The following ADGRE3 variants were observed in gnomAD, a reference collection of about 807,000 sequenced individuals.
ADGRE3 encodes the protein adhesion G protein-coupled receptor E3.
Under a neutral mutation model 80.1 loss-of-function variants are expected in ADGRE3, and 88 were observed. The ratio of observed to expected loss-of-function variants is 1.10; its 90% CI spans 0.93 to 1.31. ADGRE3 has a LOEUF of 1.31. ADGRE3 is among the 40% of genes most tolerant of loss of function. The pLI is 0.00. For synonymous variants in ADGRE3, 281 were observed against 294.8 expected, an observed-to-expected ratio of 0.95 and a Z score of 0.48; for missense variants, 715 against 776.5, an observed-to-expected ratio of 0.92 and a Z score of 0.94.
Position 14,619,389 on chromosome 19 carries a change from G to C in ADGRE3, c.*44C>G, listed in dbSNP as rs1179310324. 1 of 1,318,974 alleles carries C rather than the reference G, an allele frequency of 7.6e-7. No homozygotes were observed. The highest frequency in any genetic ancestry group is 1.4e-5 in the African/African-American group (1 of 68,990). The allele number at this position is 1,318,974 out of a possible 1,614,324, so 81.7% of individuals were successfully genotyped here. A position where few individuals can be genotyped will look rare whatever the true frequency, so the allele number is the denominator to read the frequency against. On this transcript the variant is annotated 3_prime_UTR_variant, in exon 16 of 16. Coordinates refer to ENST00000253673, the MANE Select transcript of ADGRE3 (RefSeq NM_032571.5). The stretch of plus-strand genomic sequence containing the variant: ...GCTTCATTCTTCATAATGCCAAAGA[G>C]ATCCATGGATATGATTTTCCATATG...
intron 9 of ADGRE3, among the ~76,000 whole-genome samples, chr19:14,642,379 G>C (rs1023320648): frequency 2.0e-5 from 3 of 152,114 alleles, no homozygotes; most frequent in African/African-American, 7.2e-5. Context: ...TATGCAGAGG[G>C]CTTGTGCTAT....
chr19:14,643,920 A>C (rs1239683760), intron 9 of ADGRE3, among the ~76,000 whole-genome samples, 188 bp downstream of exon 9: 1 of 151,958 alleles, frequency 6.6e-6, no homozygotes, highest in Non-Finnish European at 1.5e-5. Flanking sequence ...CATGTTGGCC[A>C]GGCTGGTTTC....
intron 11 of ADGRE3, among the ~76,000 whole-genome samples, chr19:14,637,485 C>T (rs1031496330): frequency 6.6e-6 from 1 of 151,310 alleles, no homozygotes; most frequent in African/African-American, 2.4e-5. Context: ...CCTTGAACTC[C>T]TGGGCTCAAG....
At chr19:14,620,440 A>C (rs1970516813) in intron 15 of ADGRE3, among the ~76,000 whole-genome samples, 2 of 144,130 alleles carry the variant, frequency 1.4e-5, no homozygotes, top group Non-Finnish European at 3.0e-5. Flanking sequence ...ATATATATGT[A>C]TATTCATGTA....
At chr19:14,659,243 A>T (rs1161951664) in intron 4 of ADGRE3, among the ~76,000 whole-genome samples, 1 of 151,422 alleles carries the variant, frequency 6.6e-6, no homozygotes, top group Admixed American at 6.6e-5. Context: ...GGGTTTCGCC[A>T]TGTTGGCCAG....
chr19:14,605,736 CT>C, the ADGRE3 span, among the ~76,000 whole-genome samples: 1 of 151,812 alleles, frequency 6.6e-6, no homozygotes, highest in Non-Finnish European at 1.5e-5. Context: ...TTCCAAAGAC[CT>C]GGGATTTTGA....
At chr19:14,612,330 T>G in the ADGRE3 span, among the ~76,000 whole-genome samples, 1 of 152,056 alleles carries the variant, frequency 6.6e-6, no homozygotes, top group Non-Finnish European at 1.5e-5. Flanking sequence ...GGTCCTAATC[T>G]CCTCCTCCTC....
At chr19:14,643,795 C>G (rs921575778) in intron 9 of ADGRE3, among the ~76,000 whole-genome samples, 1 of 151,966 alleles carries the variant, frequency 6.6e-6, no homozygotes, top group African/African-American at 2.4e-5. Context: ...CCTGAAACCT[C>G]TGCCTCCCAG....
chr19:14,640,508 C>T (rs1971218865), intron 10 of ADGRE3, among the ~76,000 whole-genome samples: 1 of 151,926 alleles, frequency 6.6e-6, no homozygotes, highest in South Asian at 2.1e-4. Context: ...CCAGGCTGGC[C>T]TTGAACTCCT....
intron 4 of ADGRE3, among the ~76,000 whole-genome samples, chr19:14,660,590 C>T (rs1456238738): frequency 1.3e-5 from 2 of 151,042 alleles, no homozygotes; most frequent in Non-Finnish European, 2.9e-5. Context: ...TGCCACTGTA[C>T]TCCAGCCTGG....
At chr19:14,606,862 C>A in the ADGRE3 span, 1 of 361,298 alleles carries the variant, frequency 2.8e-6, no homozygotes, top group Non-Finnish European at 5.0e-6. Context: ...TTCTGCATAC[C>A]ATGGGGACGG....
chr19:14,641,186 T>G (rs1351811507), intron 10 of ADGRE3, among the ~76,000 whole-genome samples: 1 of 152,210 alleles, frequency 6.6e-6, no homozygotes, highest in African/African-American at 2.4e-5. Flanking sequence ...CCTGGGTATC[T>G]CCCATGTATA....
At chr19:14,659,818 C>A in intron 4 of ADGRE3, among the ~76,000 whole-genome samples, 1 of 40,948 alleles carries the variant, frequency 2.4e-5, no homozygotes, top group African/African-American at 1.8e-4. Flanking sequence ...GAGACTCTGC[C>A]TCTGAAAAAA....
At chr19:14,640,737 G>C (rs1971224100) in intron 10 of ADGRE3, among the ~76,000 whole-genome samples, 1 of 152,154 alleles carries the variant, frequency 6.6e-6, no homozygotes, top group Non-Finnish European at 1.5e-5. Context: ...GGAGGACCCG[G>C]TGGGAGATAA....
chr19:14,645,065 G>A (rs1413603961), intron 8 of ADGRE3, among the ~76,000 whole-genome samples: 1 of 151,974 alleles, frequency 6.6e-6, no homozygotes, highest in African/African-American at 2.4e-5. Flanking sequence ...ATCCATAACC[G>A]CAGCTCTTTT....
chr19:14,625,037 T>C (rs1198973949), intron 15 of ADGRE3, among the ~76,000 whole-genome samples: 1 of 152,080 alleles, frequency 6.6e-6, no homozygotes, highest in African/African-American at 2.4e-5. Flanking sequence ...TGGAGTGCAA[T>C]GGTGCGATCT....
In ADGRE3 at chr19:14,652,353, G is replaced by C. The variant is rs187623794; in HGVS notation, c.578-1149C>G. ...TGTATCTTAAAAACAGACAACCCAA[G>C]ACTGGCTGTGAGATGGAAATCGTTG... On this transcript the variant is annotated intron_variant, in intron 6 of 15. Coordinates refer to ENST00000253673, the MANE Select transcript of ADGRE3 (RefSeq NM_032571.5). Among the ~76,000 whole-genome samples, 399 of 151,968 alleles carry C rather than the reference G, an allele frequency of 2.6e-3. 3 individuals carry two copies. Among genetic ancestry groups the C allele is most frequent in the Admixed American group, 3.5e-3 (54 of 15,236 alleles).
Position 14,641,542 on chromosome 19 carries a change from G to T in ADGRE3, c.1125C>A (p.Ala375=). The change falls in exon 10 of 16, where the codon GCC becomes GCA. Residue 375 remains alanine, a synonymous_variant. Transcript: ENST00000253673. ...SVSLLCLLLA[A]LTFLLCKAIR... ...TGGCTTTACACAGGAGAAAAGTGAG[G>T]GCCGCCAGGAGGAGGCACAGCAGAG... 2 of 1,613,866 alleles carry T rather than the reference G, an allele frequency of 1.2e-6. No individual in the cohort carries two copies. The highest frequency in any genetic ancestry group is 8.5e-7 in the Non-Finnish European group (1 of 1,179,812).
At chr19:14,616,778 A>C (rs1000918932), downstream of ADGRE3, among the ~76,000 whole-genome samples, 90 of 140,724 alleles carry the variant, frequency 6.4e-4, no homozygotes, top group African/African-American at 2.3e-3. Context: ...AGTGGAAACA[A>C]GCTTTTTTCT....
Sources: gnomAD v4.1 joint callset for allele counts (sites outside exome capture counted in the v4.1 genomes callset) on GRCh38, gnomAD v4.1.1 for gene constraint, MANE v1.5 for transcripts, NCBI Gene and HGNC (gene_info 2026-07-23, HGNC 2026-07-21) for gene names.